Variants in ANXA1 observed in about 807,000 individuals in gnomAD.
ANXA1 encodes the protein annexin A1, also known as annexin I (lipocortin I).
ANXA1 carries 39 observed loss-of-function variants against 47.9 expected under a neutral mutation model. That is an observed-to-expected ratio of 0.81 (90% confidence interval 0.63 to 1.06). The LOEUF (loss-of-function observed/expected upper bound fraction) is 1.06. Among genes scored for constraint, ANXA1 ranks in the 50% least tolerant of loss-of-function variants. The pLI, the probability that ANXA1 is intolerant of heterozygous loss-of-function variation, is 0.00. For missense variants in ANXA1, 446 were observed against 422.7 expected, an observed-to-expected ratio of 1.06 and a Z score of -0.48; for synonymous variants, 146 against 142.5, an observed-to-expected ratio of 1.02 and a Z score of -0.17.
At chr9:73,166,058 G>T (rs375801841) in intron 9 of ANXA1, 39 bp from the exon 10 acceptor site, 3 of 1,477,244 alleles carry the variant, frequency 2.0e-6, no homozygotes, top group Non-Finnish European at 2.8e-6. Flanking sequence ...TAAAGAAAAG[G>T]ATGTTTTGCA....
At chr9:73,159,485 C>T (rs1385439239) in intron 4 of ANXA1, 62 bp downstream of exon 4, 51 of 1,428,244 alleles carry the variant, frequency 3.6e-5, no homozygotes, top group Non-Finnish European at 4.7e-5. Flanking sequence ...ACCATGGATT[C>T]GGAAGCACAG....
chr9:73,157,079 A>G (rs1026306559), intron 1 of ANXA1, among the ~76,000 whole-genome samples: 4 of 152,146 alleles, frequency 2.6e-5, no homozygotes, highest in Admixed American at 1.3e-4. Flanking sequence ...TTACAATTGC[A>G]CCTCTAGGCT....
intron 6 of ANXA1, among the ~76,000 whole-genome samples, chr9:73,161,800 A>G (rs1019174171): frequency 4.6e-5 from 7 of 152,194 alleles, no homozygotes; most frequent in Non-Finnish European, 1.5e-5. Context: ...GATAAAACAT[A>G]GTTTATAAAA....
chr9:73,163,296 T>C (rs1466233423), intron 7 of ANXA1, among the ~76,000 whole-genome samples, 180 bp from the exon 8 acceptor site: 2 of 152,134 alleles, frequency 1.3e-5, no homozygotes, highest in Non-Finnish European at 2.9e-5. Context: ...ACATGAGGTT[T>C]GGAGGGGAAG....
At position 73,170,098 on chromosome 9, in the gene ANXA1, A is replaced by G. The variant is rs111929339; in HGVS notation, c.1032A>G (p.Gly344=). ...AGAAAATCCTGGTGGCTCTTTGTGG[A>G]GGAAACTAAACATTCCCTTGATGGT... ...DYEKILVALC[G]GN is the part of the protein sequence containing the mutation. The change falls in exon 13 of 13, where the codon GGA becomes GGG. Residue 344 remains glycine, a synonymous_variant. Coordinates refer to ENST00000257497, the MANE Select transcript of ANXA1 (RefSeq NM_000700.3). 1.2e-6 allele frequency: 2 copies of G among 1,605,694 alleles called. No homozygotes were observed. Among genetic ancestry groups the G allele is most frequent in the Non-Finnish European group, 1.7e-6 (2 of 1,175,218 alleles).
At chr9:73,153,276 G>T (rs1008545725) in intron 1 of ANXA1, among the ~76,000 whole-genome samples, 2 of 152,118 alleles carry the variant, frequency 1.3e-5, no homozygotes, top group Non-Finnish European at 2.9e-5. Context: ...TGAATATGAC[G>T]TTAGCTCTCT....
chr9:73,168,883 G>A (rs1824277249), intron 11 of ANXA1, 149 bp from the exon 12 acceptor site: 1 of 497,636 alleles, frequency 2.0e-6, no homozygotes, highest in Non-Finnish European at 3.4e-6. Flanking sequence ...CGTGTAAGGT[G>A]TGTGTGTGTG....
intron 3 of ANXA1, 121 bp from the exon 4 acceptor site, chr9:73,159,208 T>C: frequency 3.8e-6 from 3 of 787,694 alleles, no homozygotes; most frequent in South Asian, 3.4e-5. Context: ...TAGGCTGATA[T>C]ATAATTTATA....
chr9:73,155,051 G>A (rs996107483), intron 1 of ANXA1, among the ~76,000 whole-genome samples: 1 of 152,078 alleles, frequency 6.6e-6, no homozygotes, highest in Non-Finnish European at 1.5e-5. Context: ...ACTCTCTTAG[G>A]ACACATAAAT....
At chr9:73,162,014 A>C (rs891733093) in intron 6 of ANXA1, among the ~76,000 whole-genome samples, 3 of 152,288 alleles carry the variant, frequency 2.0e-5, no homozygotes, top group Admixed American at 1.3e-4. Flanking sequence ...ACTTCTACTC[A>C]TGGCAGAAAG....
At chr9:73,157,888 T>C (rs1824074635) in intron 1 of ANXA1, 1 of 152,226 alleles carries the variant, frequency 6.6e-6, no homozygotes, top group South Asian at 2.1e-4. Context: ...AACCCATTAA[T>C]GTTTTCCCAA....
chr9:73,165,224 C>A lies in ANXA1; in HGVS notation c.706+15C>A, dbSNP rs751500849. Reference sequence around the variant, plus strand: ...ACTTCGCAGAGGTAACAATAAATTTCTTTTTCTGGAATCTGTTTATGGAAG... The same window carrying A: ...ACTTCGCAGAGGTAACAATAAATTTATTTTTCTGGAATCTGTTTATGGAAG... On this transcript the variant is annotated intron_variant, in intron 9 of 12. Transcript: ENST00000257497. 39 of 1,604,748 alleles carry A rather than the reference C, an allele frequency of 2.4e-5. No homozygotes were observed. The highest frequency in any genetic ancestry group is 1.1e-4 in the South Asian group (10 of 90,460).
rs1824276132 is a variant in ANXA1, at chr9:73,168,874, G to A, written c.862-158G>A. ...ATTTATTTTCATTTCATTACCATTCGTGTAAGGTGTGTGTGTGTGTGTGTG... is the reference window on the plus strand; with the variant it reads ...ATTTATTTTCATTTCATTACCATTCATGTAAGGTGTGTGTGTGTGTGTGTG... On this transcript the variant is annotated intron_variant, in intron 11 of 12. Coordinates refer to ENST00000257497, the MANE Select transcript of ANXA1 (RefSeq NM_000700.3). 12 of 420,874 alleles carry A rather than the reference G, an allele frequency of 2.9e-5. No homozygotes were observed. In the South Asian group the frequency reaches 3.8e-4, roughly 13 times the overall value. 26.1% of individuals were successfully genotyped at this position (420,874 alleles called of 1,614,324 possible).
intron 1 of ANXA1, chr9:73,157,512 G>A (rs1465006938): frequency 6.6e-6 from 1 of 151,752 alleles, no homozygotes; most frequent in Non-Finnish European, 1.5e-5. Flanking sequence ...AAATTAGCCG[G>A]GCGTGGTGGC....
intron 4 of ANXA1, 177 bp downstream of exon 4, chr9:73,159,600 T>TCC: frequency 1.9e-6 from 1 of 515,192 alleles, no homozygotes; most frequent in Non-Finnish European, 3.3e-6. Context: ...TTATCAAATT[T>TCC]CCTATTTTTA....
At position 73,158,799 on chromosome 9, in the gene ANXA1, T is replaced by C. The variant is rs762950307; in HGVS notation, c.171T>C (p.Val57=). The C allele has an allele frequency of 1.2e-6, 2 of 1,612,952 alleles. No individual in the cohort carries two copies. Among genetic ancestry groups the C allele is most frequent in the Non-Finnish European group, 1.7e-6 (2 of 1,179,180 alleles). Residue 57 remains valine (V), a synonymous_variant, in exon 3 of 13, where the codon GTT becomes GTC. Coordinates refer to ENST00000257497, the MANE Select transcript of ANXA1 (RefSeq NM_000700.3). ...CTGCCTTGCATAAGGCCATAATGGT[T>C]AAAGGTAACGTGTTTCCTCAAAACA... ...DVAALHKAIM[V]KGVDEATIID... is the part of the protein sequence containing the mutation.
chr9:73,170,251 A>G lies in ANXA1; in HGVS notation c.*144A>G, dbSNP rs894894302. On this transcript the variant is annotated 3_prime_UTR_variant, in exon 13 of 13. Coordinates refer to ENST00000257497, the MANE Select transcript of ANXA1 (RefSeq NM_000700.3). ...AAAATATAGCCTTTAAATCATTTTT[A>G]TATTATAACTCTGTATAATAGAGAT... 16 of 558,756 alleles carry G rather than the reference A, an allele frequency of 2.9e-5. No individual in the cohort carries two copies. Among genetic ancestry groups the G allele is most frequent in the Admixed American group, 1.0e-4 (3 of 29,570 alleles). The allele number at this position is 558,756 out of a possible 1,614,324, so 34.6% of individuals were successfully genotyped here. A position where few individuals can be genotyped will look rare whatever the true frequency, so the allele number is the denominator to read the frequency against.
chr9:73,161,642 TAG>T (rs1198282306), intron 6 of ANXA1, among the ~76,000 whole-genome samples: 1 of 152,058 alleles, frequency 6.6e-6, no homozygotes, highest in African/African-American at 2.4e-5. Context: ...GAGAATACAA[TAG>T]CTTTTGCATA....
At chr9:73,163,906 A>T (rs1478672717) in intron 8 of ANXA1, among the ~76,000 whole-genome samples, 1 of 152,172 alleles carries the variant, frequency 6.6e-6, no homozygotes, top group Non-Finnish European at 1.5e-5. Context: ...CGTTATTTTT[A>T]ACAGAGAACT....
Sources: allele counts gnomAD v4.1 joint callset (sites outside exome capture counted in the v4.1 genomes callset), GRCh38; gene constraint gnomAD v4.1.1; transcripts MANE v1.5; gene names NCBI Gene and HGNC (gene_info 2026-07-23, HGNC 2026-07-21).